Variants in TAF3 observed in about 807,000 individuals in gnomAD.
The protein encoded by TAF3 is transcription initiation factor TFIID subunit 3.
In TAF3, 7 loss-of-function variants were observed where a neutral mutation model predicts 80.6. The ratio of observed to expected loss-of-function variants is 0.09; its 90% CI spans 0.05 to 0.16. The LOEUF is 0.16. TAF3 is among the 10% of genes least tolerant of loss of function. The probability of loss-of-function intolerance (pLI) is 1.00; values close to 1 mark genes in which losing one functional copy is unlikely to be tolerated. For missense variants in TAF3, 921 were observed against 1,140.2 expected, an observed-to-expected ratio of 0.81 and a Z score of 2.77; for synonymous variants, 444 against 446.1, an observed-to-expected ratio of 1.00 and a Z score of 0.06.
rs1163958343 is a variant in TAF3 at position 8,016,387 on chromosome 10, T to C, written c.*1636T>C. ...ATGTTAAGTTGCAAATCAGTGGAAA[T>C]GGAGTCGACCTCTTCGGAGCACAGG... On this transcript the variant is annotated 3_prime_UTR_variant, in exon 7 of 7. Coordinates refer to ENST00000344293, the MANE Select transcript of TAF3 (RefSeq NM_031923.4). 1 of 152,212 alleles carries C rather than the reference T, an allele frequency of 6.6e-6. No homozygotes were observed. The highest frequency in any genetic ancestry group is 6.6e-5 in the Admixed American group (1 of 15,264). The allele number at this position is 152,212 out of a possible 1,614,324, so 9.4% of individuals were successfully genotyped here. A position where few individuals can be genotyped will look rare whatever the true frequency, so the allele number is the denominator to read the frequency against.
intron 4 of TAF3, among the ~76,000 whole-genome samples, chr10:7,996,147 A>C (rs1051615012): frequency 3.9e-5 from 6 of 152,106 alleles, no homozygotes; most frequent in Admixed American, 2.6e-4. Flanking sequence ...GTTGCTTCCT[A>C]GTTTCTTGTG....
chr10:7,989,492 G>A (rs1831813418), intron 4 of TAF3, among the ~76,000 whole-genome samples: 1 of 152,176 alleles, frequency 6.6e-6, no homozygotes, highest in African/African-American at 2.4e-5. Context: ...AATATAAATT[G>A]TGTTGCTGTT....
At chr10:7,888,497 A>G (rs746694387) in intron 2 of TAF3, among the ~76,000 whole-genome samples, 3 of 136,848 alleles carry the variant, frequency 2.2e-5, no homozygotes, top group Non-Finnish European at 5.0e-5. Flanking sequence ...TATCACAGGC[A>G]TGAGATCTTC....
At chr10:7,897,762 C>T (rs745630146) in intron 2 of TAF3, among the ~76,000 whole-genome samples, 1 of 151,608 alleles carries the variant, frequency 6.6e-6, no homozygotes, top group African/African-American at 2.4e-5. Flanking sequence ...TGGGCTCAAG[C>T]GAGCCTCCTG....
chr10:7,883,264 A>G (rs1038788803), intron 2 of TAF3, among the ~76,000 whole-genome samples: 8 of 152,132 alleles, frequency 5.3e-5, no homozygotes, highest in Non-Finnish European at 5.9e-5. Context: ...GCCTTTCATG[A>G]CCTCACCACT....
At chr10:7,850,384 T>A (rs2131124742) in intron 2 of TAF3, among the ~76,000 whole-genome samples, 1 of 152,272 alleles carries the variant, frequency 6.6e-6, no homozygotes, top group South Asian at 2.1e-4. Flanking sequence ...TAAAAACTAA[T>A]ACTATTTAAG....
chr10:7,917,685 C>T (rs1837724372), intron 2 of TAF3, among the ~76,000 whole-genome samples: 1 of 152,170 alleles, frequency 6.6e-6, no homozygotes, highest in South Asian at 2.1e-4. Context: ...GGGTTTGCCC[C>T]ACCAAGGTGG....
Position 7,964,518 on chromosome 10 carries a change from A to G in TAF3, c.1008A>G (p.Arg336=). The change falls in exon 3 of 7, where the codon AGA becomes AGG. Residue 336 remains arginine (R), a synonymous_variant. Coordinates refer to ENST00000344293, the MANE Select transcript of TAF3 (RefSeq NM_031923.4). The surrounding 1 kb of genome is among the most constrained non-coding windows in gnomAD (Gnocchi z 4.1). ...CTCACATTCCCCAAACACCTGTGAG[A>G]CCTGAAACGCCCAACAGGACTCCTT... ...VTTHIPQTPV[R]PETPNRTPSA... 6.2e-7 allele frequency: 1 copy of G among 1,613,502 alleles called. No individual in the cohort carries two copies. Among genetic ancestry groups the G allele is most frequent in the Non-Finnish European group, 8.5e-7 (1 of 1,179,736 alleles).
intron 4 of TAF3, among the ~76,000 whole-genome samples, chr10:8,006,198 ACACACAC>A (rs766130877): frequency 1.3e-5 from 2 of 150,654 alleles, no homozygotes; most frequent in Non-Finnish European, 3.0e-5. Flanking sequence ...ACACACACAC[ACACACAC>A]ACACACACAC....
At chr10:7,941,944 T>G (rs1382313925) in intron 2 of TAF3, among the ~76,000 whole-genome samples, 4 of 152,196 alleles carry the variant, frequency 2.6e-5, no homozygotes, top group African/African-American at 9.7e-5. Flanking sequence ...AATTATATAT[T>G]CAATTACTTC....
intron 2 of TAF3, among the ~76,000 whole-genome samples, chr10:7,935,176 G>A (rs993966068): frequency 2.0e-5 from 3 of 151,706 alleles, no homozygotes; most frequent in Admixed American, 6.6e-5. Context: ...ACTCAGGAGG[G>A]TGAGACATGA....
intron 4 of TAF3, among the ~76,000 whole-genome samples, chr10:7,979,311 TC>T (rs983414971): frequency 2.1e-5 from 3 of 142,606 alleles, no homozygotes; most frequent in African/African-American, 8.0e-5. Flanking sequence ...GCCACTGAAC[TC>T]CAGCCTGGGC....
chr10:7,830,546 C>A (rs866136226), intron 2 of TAF3, among the ~76,000 whole-genome samples: 1 of 123,416 alleles, frequency 8.1e-6, no homozygotes, highest in African/African-American at 3.1e-5. Context: ...TGCAGTGGCG[C>A]AATCTCGGCT....
intron 2 of TAF3, among the ~76,000 whole-genome samples, chr10:7,836,057 C>T (rs1836849172): frequency 6.6e-6 from 1 of 152,086 alleles, no homozygotes; most frequent in Non-Finnish European, 1.5e-5. Flanking sequence ...CATCTTGGGG[C>T]CTTTCTTGGG....
chr10:7,956,585 TC>T (rs1838138253), intron 2 of TAF3, among the ~76,000 whole-genome samples: 1 of 152,234 alleles, frequency 6.6e-6, no homozygotes, highest in Non-Finnish European at 1.5e-5. Flanking sequence ...CATCTCTGTC[TC>T]CCTATTTTTG....
chr10:7,873,619 C>CCCG (rs1554779064), intron 2 of TAF3, among the ~76,000 whole-genome samples: 2 of 64,780 alleles, frequency 3.1e-5, no homozygotes, highest in East Asian at 2.9e-4. Context: ...CCGAGTTCTC[C>CCCG]CCCCCCCCCC....
chr10:7,887,814 C>A (rs1380231644), intron 2 of TAF3, among the ~76,000 whole-genome samples: 2 of 151,132 alleles, frequency 1.3e-5, no homozygotes, highest in African/African-American at 2.4e-5. Flanking sequence ...TTTTAATTGG[C>A]CACTTAAAAA....
At chr10:7,837,255 C>T (rs112142417) in intron 2 of TAF3, among the ~76,000 whole-genome samples, 8 of 150,476 alleles carry the variant, frequency 5.3e-5, no homozygotes, top group African/African-American at 1.5e-4. Flanking sequence ...CCCAGCTACT[C>T]GGGAGGCTGA....
At chr10:7,999,587 G>T (rs116962060) in intron 4 of TAF3, among the ~76,000 whole-genome samples, 26 of 151,822 alleles carry the variant, frequency 1.7e-4, no homozygotes, top group Middle Eastern at 3.4e-3. Context: ...ATCTCAAGTA[G>T]CTGGGATTAT....
Sources: allele counts gnomAD v4.1 joint callset (sites outside exome capture counted in the v4.1 genomes callset), GRCh38; gene constraint gnomAD v4.1.1; non-coding constraint Gnocchi (gnomAD v3.1); transcripts MANE v1.5; gene names NCBI Gene and HGNC (gene_info 2026-07-23, HGNC 2026-07-21).